The following UST variants were observed in gnomAD, a reference collection of about 807,000 sequenced individuals.
UST encodes the protein uronyl 2-sulfotransferase, also known as chondroitin sulfate 2-O-sulfotransferase.
Under a neutral mutation model 45.6 loss-of-function variants are expected in UST, and 21 were observed. The ratio of observed to expected loss-of-function variants is 0.46; its 90% confidence interval spans 0.33 to 0.66. The LOEUF is 0.66. Ranked by LOEUF, UST falls within the 30% of genes least tolerant of loss-of-function variation. The pLI, the probability that UST is intolerant of heterozygous loss-of-function variation, is 0.02. For synonymous variants in UST, 215 were observed against 200.6 expected, an observed-to-expected ratio of 1.07 and a Z score of -0.61; for missense variants, 463 against 512.4, an observed-to-expected ratio of 0.90 and a Z score of 0.93.
At chr6:148,980,930 A>G (rs1170074992) in intron 5 of UST, among the ~76,000 whole-genome samples, 1 of 151,910 alleles carries the variant, frequency 6.6e-6, no homozygotes, top group Non-Finnish European at 1.5e-5. Flanking sequence ...TCACTGTGTT[A>G]CCCAGGCTGG....
At chr6:149,007,465 T>A (rs1775736187) in intron 5 of UST, among the ~76,000 whole-genome samples, 2 of 32,078 alleles carry the variant, frequency 6.2e-5, no homozygotes, top group African/African-American at 3.1e-4. Flanking sequence ...TTTTTTGTAT[T>A]TTTTTTTTTT....
At chr6:148,856,467 C>G (rs987717206) in intron 1 of UST, among the ~76,000 whole-genome samples, 2 of 152,194 alleles carry the variant, frequency 1.3e-5, no homozygotes, top group African/African-American at 4.8e-5. Flanking sequence ...CTACTAAGTC[C>G]TATTCATCGG....
rs369419363 is a variant in UST at position 148,798,640 on chromosome 6, G to A, written c.247+50963G>A. Among the ~76,000 whole-genome samples the A allele has an allele frequency of 2.8e-4, 43 of 152,268 alleles. No homozygotes were observed. The South Asian group carries it at 8.7e-3, about 31-fold the overall frequency. On this transcript the variant is annotated intron_variant, in intron 1 of 7. Coordinates refer to ENST00000367463, the MANE Select transcript of UST (RefSeq NM_005715.3). ...TGATGAGCCTCAAAAGGACACAGAT[G>A]CTGGAGGACAACCAGGACAGTGATG...
chr6:149,005,242 C>T, intron 5 of UST: 1 of 951,988 alleles, frequency 1.1e-6, no homozygotes, highest in South Asian at 4.9e-5. Context: ...AACAGACCCT[C>T]TGTGTATGTT....
chr6:149,031,517 A>T (rs891442925), intron 7 of UST, among the ~76,000 whole-genome samples: 2 of 152,138 alleles, frequency 1.3e-5, no homozygotes, highest in Non-Finnish European at 2.9e-5. Context: ...TCTTTGTTTT[A>T]TTGGAAAACA....
Position 148,747,461 on chromosome 6 carries a change from G to C in UST, c.31G>C (p.Gly11Arg), listed in dbSNP as rs370896083. Reference sequence around the variant, plus strand: ...GAAGAAGCAGCAGCATCCCGGCGGCGGCGCGGATCCCTGGCCCCATGGGGC... The same window carrying C: ...GAAGAAGCAGCAGCATCCCGGCGGCCGCGCGGATCCCTGGCCCCATGGGGC... MKKKQQHPGGGADPWPHGAPM... is the reference protein window; with the variant it reads MKKKQQHPGGRADPWPHGAPM... The change falls in exon 1 of 8, where the codon GGC becomes CGC. Residue 11 changes from glycine (G) to arginine (R), a missense_variant. Physicochemically the swap from Gly to Arg is moderately radical, Grantham distance 125. Coordinates refer to ENST00000367463, the MANE Select transcript of UST (RefSeq NM_005715.3). 2.5e-4 allele frequency: 357 copies of C among 1,431,296 alleles called. 1 individual carries two copies. The Middle Eastern group carries it at 3.5e-3, about 14-fold the overall frequency. 88.7% of individuals were successfully genotyped at this position (1,431,296 alleles called of 1,614,324 possible).
intron 3 of UST, among the ~76,000 whole-genome samples, chr6:148,952,496 A>C (rs1780385140): frequency 6.6e-6 from 1 of 152,218 alleles, no homozygotes; most frequent in African/African-American, 2.4e-5. Flanking sequence ...TCTAATTACA[A>C]GGTTTATACA....
chr6:148,962,969 T>C (rs532529083), intron 4 of UST, among the ~76,000 whole-genome samples: 10 of 152,336 alleles, frequency 6.6e-5, no homozygotes, highest in African/African-American at 2.4e-4. Context: ...CAGATGTTCA[T>C]TTCTTCATTT....
At chr6:148,947,227 C>T (rs968538443) in intron 3 of UST, among the ~76,000 whole-genome samples, 1 of 152,130 alleles carries the variant, frequency 6.6e-6, no homozygotes, top group Non-Finnish European at 1.5e-5. Context: ...TTTTTGCAAT[C>T]AGACCTTGGC....
At chr6:148,950,764 G>A (rs893639702) in intron 3 of UST, among the ~76,000 whole-genome samples, 4 of 152,194 alleles carry the variant, frequency 2.6e-5, no homozygotes, top group Admixed American at 2.0e-4. Flanking sequence ...GTAGAGAGAG[G>A]TGCTTCACTT....
rs569840481 is a variant in UST at position 148,824,800 on chromosome 6, G to A, written c.248-62186G>A. ...CCCACTAACGTGTCATCTAGCATTA[G>A]GTATATCTCCCAATGCTATCCCTCC... is the stretch of plus-strand genomic sequence containing the variant. On this transcript the variant is annotated intron_variant, in intron 1 of 7. Transcript: ENST00000367463. 1.8e-4 allele frequency among the ~76,000 whole-genome samples: 26 copies of A among 144,808 alleles called. No homozygotes were observed. In the South Asian group the frequency reaches 5.8e-3, roughly 33 times the overall value. 95.0% of individuals were successfully genotyped at this position (144,808 alleles called of 152,430 possible). A position where few individuals can be genotyped will look rare whatever the true frequency, so the allele number is the denominator to read the frequency against.
At chr6:148,842,445 A>C (rs1777908082) in intron 1 of UST, among the ~76,000 whole-genome samples, 1 of 152,196 alleles carries the variant, frequency 6.6e-6, no homozygotes, top group African/African-American at 2.4e-5. Context: ...AACTGGTTTT[A>C]GCTGCTTGTG....
At chr6:149,036,429 T>G (rs1776241186) in intron 7 of UST, among the ~76,000 whole-genome samples, 1 of 152,196 alleles carries the variant, frequency 6.6e-6, no homozygotes, top group African/African-American at 2.4e-5. Context: ...TGATAATCCT[T>G]CTCCAGCATT....
intron 7 of UST, among the ~76,000 whole-genome samples, chr6:149,043,021 T>TTTTCTTTC (rs71554434): frequency 3.4e-5 from 4 of 118,224 alleles, no homozygotes; most frequent in African/African-American, 8.2e-5. Flanking sequence ...CTTTCTTTCT[T>TTTTCTTTC]TTTCTTTCTT....
intron 2 of UST, among the ~76,000 whole-genome samples, chr6:148,940,241 C>G (rs942016441): frequency 2.6e-5 from 4 of 151,898 alleles, no homozygotes; most frequent in African/African-American, 9.7e-5. Context: ...AATCCCAGCA[C>G]TTTGGGAGGC....
chr6:148,789,645 G>A (rs964245497), intron 1 of UST, among the ~76,000 whole-genome samples: 6 of 151,982 alleles, frequency 3.9e-5, no homozygotes, highest in African/African-American at 1.4e-4. Context: ...TACCTCACAG[G>A]TTCTAGTGAT....
chr6:149,059,274 C>T (rs562857682), intron 7 of UST, among the ~76,000 whole-genome samples: 8 of 152,220 alleles, frequency 5.3e-5, no homozygotes, highest in African/African-American at 9.7e-5. Flanking sequence ...GCTCCCACAT[C>T]AACAGAAGCT....
Position 149,072,171 on chromosome 6 carries a change from C to T in UST, c.938-1662C>T, listed in dbSNP as rs568815342. Reference sequence around the variant, plus strand: ...TTCAAAACATTAAACTTAGAATTACCGCATGACCCAGCAATTCTGCTCCTA... The same window carrying T: ...TTCAAAACATTAAACTTAGAATTACTGCATGACCCAGCAATTCTGCTCCTA... On this transcript the variant is annotated intron_variant, in intron 7 of 7. Coordinates refer to ENST00000367463, the MANE Select transcript of UST (RefSeq NM_005715.3). 5.9e-5 allele frequency among the ~76,000 whole-genome samples: 9 copies of T among 152,222 alleles called. No individual in the cohort carries two copies. In the East Asian group the frequency reaches 1.4e-3, roughly 23 times the overall value.
At chr6:148,972,576 A>G (rs894969155) in intron 5 of UST, among the ~76,000 whole-genome samples, 2 of 152,220 alleles carry the variant, frequency 1.3e-5, no homozygotes, top group African/African-American at 4.8e-5. Context: ...TCTCCATGCA[A>G]GGTCCCATCA....
Sources: allele counts gnomAD v4.1 joint callset (sites outside exome capture counted in the v4.1 genomes callset), GRCh38; gene constraint gnomAD v4.1.1; transcripts MANE v1.5; gene names NCBI Gene and HGNC (gene_info 2026-07-23, HGNC 2026-07-21).